The following ERF variants were observed in gnomAD, a reference collection of about 807,000 sequenced individuals.
The protein encoded by ERF is ETS domain-containing transcription factor ERF.
A neutral mutation model predicts 41.6 loss-of-function variants in ERF; 10 were observed. The observed-to-expected ratio is 0.24, with a 90% CI of 0.15 to 0.41. ERF has a LOEUF of 0.41. Among genes scored for constraint, ERF ranks in the 10% least tolerant of loss-of-function variants. The probability of loss-of-function intolerance (pLI) is 1.00; values close to 1 mark genes in which losing one functional copy is unlikely to be tolerated. For synonymous variants in ERF, 395 were observed against 342.4 expected (o/e 1.15, Z -1.70); for missense variants, 621 against 763.2 (o/e 0.81, Z 2.19).
At chr19:42,253,802 G>GGGGATGGGGT (rs1192191062) in intron 1 of ERF, 1 of 879,210 alleles carries the variant, frequency 1.1e-6, no homozygotes, top group Non-Finnish European at 1.4e-6. Context: ...GGAATGGGGT[G>GGGGATGGGGT]GGGATGGGGT....
In ERF at chr19:42,248,610, G is replaced by C; in HGVS notation, c.1502C>G (p.Ala501Gly). Residue 501 changes from alanine (A) to glycine (G), a missense_variant, in exon 4 of 4, where the codon GCT (alanine) becomes GGT (glycine). By Grantham distance (60) the Ala-to-Gly change is moderately conservative. Transcript: ENST00000222329. This position sits in a 1 kb window ranked among gnomAD's most constrained non-coding sequence, Gnocchi z 4.2. The stretch of plus-strand genomic sequence containing the variant: ...CTCACCCTCATCCTCAAAGCCCCCA[G>C]CGGGGCCCCCACCCCCTTCGAGGCG... Reference protein sequence around the residue: ...DCRLEGGGGPAGGFEDEGEDK... With the variant: ...DCRLEGGGGPGGGFEDEGEDK... The C allele has an allele frequency of 6.3e-7, 1 of 1,580,976 alleles. No homozygotes were observed. The highest frequency in any genetic ancestry group is 1.2e-5 in the South Asian group (1 of 86,858).
rs183811661 is a variant in ERF at position 42,254,609 on chromosome 19, C to T, written c.22+369G>A. ...AGCGCAGAACCAGGGATAGCGGGCC[C>T]GGTGGACGAGCCCCCCCGCCCCGCA... On this transcript the variant is annotated intron_variant, in intron 1 of 3. Transcript: ENST00000222329. 1,246 of 209,584 alleles carry T rather than the reference C, an allele frequency of 5.9e-3. 9 individuals carry two copies. Among genetic ancestry groups the T allele is most frequent in the Non-Finnish European group, 9.0e-3 (930 of 103,852 alleles). The allele number at this position is 209,584 out of a possible 1,614,324, so 13.0% of individuals were successfully genotyped here. A position where few individuals can be genotyped will look rare whatever the true frequency, so the allele number is the denominator to read the frequency against.
chr19:42,251,378 C>A, intron 1 of ERF: 1 of 984,486 alleles, frequency 1.0e-6, no homozygotes, highest in Non-Finnish European at 1.2e-6. Flanking sequence ...CTGCCCACCC[C>A]CAGCATTAAC....
chr19:42,248,929 C>A lies in ERF; in HGVS notation c.1183G>T (p.Ala395Ser). ...CCGCTCTTGTCAGCACCGGCTACGG[C>A]CTTCTCCCCAGCTGCCCGCTGCCGG... ...GRRQRAAGEK[A>S]VAGADKSGGS... The change falls in exon 4 of 4, where the codon GCC (alanine) becomes TCC (serine). Residue 395 changes from alanine (A) to serine (S), a missense_variant. Physicochemically the swap from Ala to Ser is moderately conservative, Grantham distance 99 (BLOSUM62 1). This residue lies in a region of ERF where 569 missense variants were observed against 625.5 expected (regional missense o/e 0.91). Coordinates refer to ENST00000222329, the MANE Select transcript of ERF (RefSeq NM_006494.4). This position sits in a 1 kb window ranked among gnomAD's most constrained non-coding sequence, Gnocchi z 4.2. 6.2e-7 allele frequency: 1 copy of A among 1,606,724 alleles called. No homozygotes were observed.
chr19:42,253,988 C>G lies in ERF; in HGVS notation c.22+990G>C, dbSNP rs1448990320. On this transcript the variant is annotated intron_variant, in intron 1 of 3. Coordinates refer to ENST00000222329, the MANE Select transcript of ERF (RefSeq NM_006494.4). ...GACGGGGTAGACGGGCAGGGGGCGG[C>G]TGGGACCCCTCCCCCTGCGCGCTCG... The G allele has an allele frequency of 6.1e-6, 6 of 977,358 alleles. 1 individual carries two copies. Among genetic ancestry groups the G allele is most frequent in the Non-Finnish European group, 7.3e-6 (6 of 818,864 alleles). 60.5% of individuals were successfully genotyped at this position (977,358 alleles called of 1,614,324 possible).
chr19:42,249,621 G>A lies in ERF; in HGVS notation c.491C>T (p.Ala164Val), dbSNP rs1179195230. Residue 164 changes from alanine (A) to valine (V), a missense_variant, in exon 4 of 4, where the codon GCC becomes GTC. Coordinates refer to ENST00000222329, the MANE Select transcript of ERF (RefSeq NM_006494.4). This position sits in a 1 kb window ranked among gnomAD's most constrained non-coding sequence, Gnocchi z 8.6. ...SPTEDPRSPP[A>V]CSSSSSSLFS... Reference sequence around the variant, plus strand: ...GAGGGAAGATGAAGATGAAGAGCAGGCTGGTGGTGAGCGGGGGTCCTCGGT... The same window carrying A: ...GAGGGAAGATGAAGATGAAGAGCAGACTGGTGGTGAGCGGGGGTCCTCGGT... The A allele has an allele frequency of 6.2e-7, 1 of 1,613,124 alleles. No individual in the cohort carries two copies. Among genetic ancestry groups the A allele is most frequent in the Non-Finnish European group, 8.5e-7 (1 of 1,179,726 alleles).
chr19:42,249,601 A>T lies in ERF; in HGVS notation c.511T>A (p.Ser171Thr). The T allele has an allele frequency of 6.2e-7, 1 of 1,613,462 alleles. No individual in the cohort carries two copies. Among genetic ancestry groups the T allele is most frequent in the Non-Finnish European group, 8.5e-7 (1 of 1,179,850 alleles). ...SPPACSSSSS[S>T]LFSAVVARRL... ...CGGGCCACCACAGCCGAGAAGAGGGAAGATGAAGATGAAGAGCAGGCTGGT... is the reference window on the plus strand; with the variant it reads ...CGGGCCACCACAGCCGAGAAGAGGGTAGATGAAGATGAAGAGCAGGCTGGT... Residue 171 changes from serine to threonine, a missense_variant, in exon 4 of 4, where the codon TCC (serine) becomes ACC (threonine). By Grantham distance (58) the Ser-to-Thr change is moderately conservative (BLOSUM62 1). This residue lies in a region of ERF where 569 missense variants were observed against 625.5 expected (regional missense o/e 0.91). Transcript: ENST00000222329. The surrounding 1 kb of genome is among the most constrained non-coding windows in gnomAD (Gnocchi z 8.6).
intron 1 of ERF, chr19:42,251,320 C>T (rs1444387340): frequency 1.0e-6 from 1 of 986,076 alleles, no homozygotes; most frequent in Non-Finnish European, 1.2e-6. Flanking sequence ...CTGTCACCCT[C>T]TTCCCACTTC....
chr19:42,248,291 C>A lies in ERF; in HGVS notation c.*174G>T. ...GCCCCTAGCCCTGGGCACCCACCCA[C>A]CCCCACCATTTTTAAAAAAAAGAAA... On this transcript the variant is annotated 3_prime_UTR_variant, in exon 4 of 4. Transcript: ENST00000222329. This position sits in a 1 kb window ranked among gnomAD's most constrained non-coding sequence, Gnocchi z 4.2. 30 of 443,892 alleles carry A rather than the reference C, an allele frequency of 6.8e-5. No individual in the cohort carries two copies. Among genetic ancestry groups the A allele is most frequent in the East Asian group, 9.4e-5 (2 of 21,220 alleles). The allele number at this position is 443,892 out of a possible 1,614,324, so 27.5% of individuals were successfully genotyped here. A position where few individuals can be genotyped will look rare whatever the true frequency, so the allele number is the denominator to read the frequency against.
At chr19:42,251,347 G>C (rs2036441844) in intron 1 of ERF, 1 of 984,982 alleles carries the variant, frequency 1.0e-6, no homozygotes, top group African/African-American at 1.8e-5. Flanking sequence ...CTCATCTTCA[G>C]CTCCTTCCCT....
Position 42,249,475 on chromosome 19 carries a change from C to A in ERF, c.637G>T (p.Asp213Tyr). Residue 213 changes from aspartate to tyrosine, a missense_variant, in exon 4 of 4, where the codon GAT becomes TAT. Asp to Tyr is a radical substitution (Grantham distance 160). This residue lies in a region of ERF where 569 missense variants were observed against 625.5 expected (regional missense o/e 0.91). Transcript: ENST00000222329. The surrounding 1 kb of genome is among the most constrained non-coding windows in gnomAD (Gnocchi z 8.6). The stretch of plus-strand genomic sequence containing the variant: ...GGGGGCCCTCGGAAGGCACCCAGAT[C>A]CGGAGGGCCGGGTGGTCGGGCGCGG... ...DPRARPPGPP[D>Y]LGAFRGPPLA... 1 of 1,606,010 alleles carries A rather than the reference C, an allele frequency of 6.2e-7. No individual in the cohort carries two copies.
Position 42,248,429 on chromosome 19 carries a change from G to A in ERF, c.*36C>T, listed in dbSNP as rs768715345. The A allele has an allele frequency of 7.0e-7, 1 of 1,433,702 alleles. No individual in the cohort carries two copies. The highest frequency in any genetic ancestry group is 9.1e-7 in the Non-Finnish European group (1 of 1,092,986). The allele number at this position is 1,433,702 out of a possible 1,614,324, so 88.8% of individuals were successfully genotyped here. A position where few individuals can be genotyped will look rare whatever the true frequency, so the allele number is the denominator to read the frequency against. On this transcript the variant is annotated 3_prime_UTR_variant, in exon 4 of 4. Transcript: ENST00000222329. This position sits in a 1 kb window ranked among gnomAD's most constrained non-coding sequence, Gnocchi z 4.2. ...GCTTAAGGCAGCAAAAGAAGCATGG[G>A]GGGTGCGGGGCACACAGGTCCCCTG... is the stretch of plus-strand genomic sequence containing the variant.
At chr19:42,253,830 C>A in intron 1 of ERF, 4 of 1,006,690 alleles carry the variant, frequency 4.0e-6, no homozygotes, top group Non-Finnish European at 4.8e-6. Context: ...GTGGGCCGGT[C>A]GGGGCACACA....
Position 42,249,097 on chromosome 19 carries a change from C to A in ERF, c.1015G>T (p.Val339Leu), listed in dbSNP as rs1434607851. ...TTGTCAGGGCGCTGGGGCTGGGGCA[C>A]CACCAGCCCAGGGTAGTGCAGGAAG... Reference protein sequence around the residue: ...RAFLHYPGLVVPQPQRPDKCP... With the variant: ...RAFLHYPGLVLPQPQRPDKCP... Residue 339 changes from valine to leucine, a missense_variant, in exon 4 of 4, where the codon GTG becomes TTG. By Grantham distance (32) the Val-to-Leu change is conservative (BLOSUM62 1). This residue lies in a region of ERF where 569 missense variants were observed against 625.5 expected (regional missense o/e 0.91). Coordinates refer to ENST00000222329, the MANE Select transcript of ERF (RefSeq NM_006494.4). The surrounding 1 kb of genome is among the most constrained non-coding windows in gnomAD (Gnocchi z 8.6). 6.2e-7 allele frequency: 1 copy of A among 1,613,650 alleles called. No individual in the cohort carries two copies. Among genetic ancestry groups the A allele is most frequent in the Admixed American group, 1.7e-5 (1 of 60,006 alleles).
At position 42,255,011 on chromosome 19, in the gene ERF, C is replaced by T; in HGVS notation, c.-12G>A. The T allele has an allele frequency of 1.4e-6, 2 of 1,425,904 alleles. No individual in the cohort carries two copies. Among genetic ancestry groups the T allele is most frequent in the Non-Finnish European group, 1.8e-6 (2 of 1,091,280 alleles). 88.3% of individuals were successfully genotyped at this position (1,425,904 alleles called of 1,614,324 possible). Reference sequence around the variant, plus strand: ...GCCGGGGTCTTCATGCTGGGGGGCCCGGGGCGAAGCGCCCCGATTCCGGGC... The same window carrying T: ...GCCGGGGTCTTCATGCTGGGGGGCCTGGGGCGAAGCGCCCCGATTCCGGGC... On this transcript the variant is annotated 5_prime_UTR_variant, in exon 1 of 4. Transcript: ENST00000222329.
chr19:42,247,617 C>G lies in ERF; in HGVS notation c.*848G>C, dbSNP rs1463212375. On this transcript the variant is annotated 3_prime_UTR_variant, in exon 4 of 4. Transcript: ENST00000222329. ...TTTTGAATACATTCTCCAGCGGCCCCTCTACTCCCCCCACCCTCAGTCCCC... is the reference window on the plus strand; with the variant it reads ...TTTTGAATACATTCTCCAGCGGCCCGTCTACTCCCCCCACCCTCAGTCCCC... 2.0e-5 allele frequency: 3 copies of G among 152,710 alleles called. No homozygotes were observed. The highest frequency in any genetic ancestry group is 1.3e-4 in the Admixed American group (2 of 15,292). 9.5% of individuals were successfully genotyped at this position (152,710 alleles called of 1,614,324 possible). A position where few individuals can be genotyped will look rare whatever the true frequency, so the allele number is the denominator to read the frequency against.
intron 1 of ERF, 92 bp downstream of exon 1, chr19:42,254,886 G>T: frequency 7.2e-7 from 1 of 1,383,286 alleles, no homozygotes; most frequent in Non-Finnish European, 9.6e-7. Flanking sequence ...GATCACTCGG[G>T]CTCCCCCGGA....
rs757906071 is a variant in ERF at position 42,248,922 on chromosome 19, GCTACGGCCTTCT to G, written c.1178_1189del (p.Glu393_Val396del). 1 of 1,607,006 alleles carries G rather than the reference GCTACGGCCTTCT, an allele frequency of 6.2e-7. No homozygotes were observed. Among genetic ancestry groups the G allele is most frequent in the Admixed American group, 1.7e-5 (1 of 60,000 alleles). On this transcript the variant is annotated inframe_deletion, in exon 4 of 4. Coordinates refer to ENST00000222329, the MANE Select transcript of ERF (RefSeq NM_006494.4). This position sits in a 1 kb window ranked among gnomAD's most constrained non-coding sequence, Gnocchi z 4.2. The stretch of plus-strand genomic sequence containing the variant: ...ACTGCCACCGCTCTTGTCAGCACCG[GCTACGGCCTTCT>G]CCCCAGCTGCCCGCTGCCGGCGTCC...
At chr19:42,253,976 G>A (rs920874571) in intron 1 of ERF, 113 of 1,002,138 alleles carry the variant, frequency 1.1e-4, no homozygotes, top group Non-Finnish European at 1.3e-4. Context: ...GGGGTAGACG[G>A]GCAGGGGGCG....
Sources: gnomAD v4.1 joint callset for allele counts on GRCh38, gnomAD v4.1.1 for gene constraint, gnomAD v4.1.1 regional missense constraint, Gnocchi (gnomAD v3.1) non-coding constraint, MANE v1.5 for transcripts, NCBI Gene and HGNC (gene_info 2026-07-23, HGNC 2026-07-21) for gene names.